SEC22C: variants seen among roughly 807,000 people sequenced by gnomAD.
SEC22C encodes vesicle-trafficking protein SEC22c.
In SEC22C, 29 loss-of-function variants were observed where a neutral mutation model predicts 34.7. The ratio of observed to expected loss-of-function variants is 0.84; its 90% CI spans 0.62 to 1.14. The LOEUF (loss-of-function observed/expected upper bound fraction) is 1.14, where lower values mean the gene tolerates loss of function less well. Among genes scored for constraint, SEC22C ranks in the 50% most tolerant of loss-of-function variants. The pLI, the probability that SEC22C is intolerant of heterozygous loss-of-function variation, is 0.00. For synonymous variants in SEC22C, 117 were observed against 132.8 expected, an observed-to-expected ratio of 0.88 and a Z score of 0.82; for missense variants, 337 against 369.0, an observed-to-expected ratio of 0.91 and a Z score of 0.71.
Position 42,551,327 on chromosome 3 carries a change from C to A in SEC22C, c.*1921G>T. 1.0e-6 allele frequency: 1 copy of A among 985,224 alleles called. No homozygotes were observed. The highest frequency in any genetic ancestry group is 1.2e-6 in the Non-Finnish European group (1 of 829,872). The allele number at this position is 985,224 out of a possible 1,614,324, so 61.0% of individuals were successfully genotyped here. A position where few individuals can be genotyped will look rare whatever the true frequency, so the allele number is the denominator to read the frequency against. On this transcript the variant is annotated 3_prime_UTR_variant, in exon 7 of 7. Coordinates refer to ENST00000264454, the MANE Select transcript of SEC22C (RefSeq NM_032970.4). ...ACTTTGGAGTTTATGTCTGAGTATG[C>A]TGCCAATATAATTTTCATATTCAGA...
chr3:42,565,141 C>T (rs1703157194), intron 2 of SEC22C, among the ~76,000 whole-genome samples: 1 of 152,190 alleles, frequency 6.6e-6, no homozygotes, highest in South Asian at 2.1e-4. Context: ...AGGAGCCTCA[C>T]TGTCCGCTCA....
At position 42,552,074 on chromosome 3, in the gene SEC22C, A is replaced by C. The variant is rs1210442738; in HGVS notation, c.*1174T>G. 1.0e-6 allele frequency: 1 copy of C among 985,328 alleles called. No homozygotes were observed. The highest frequency in any genetic ancestry group is 6.1e-5 in the Admixed American group (1 of 16,276). 61.0% of individuals were successfully genotyped at this position (985,328 alleles called of 1,614,324 possible). ...GCTGAAATTTCGGGAAACCTAAGGG[A>C]TCTTATCCAGAACCATATTTTGGAA... On this transcript the variant is annotated 3_prime_UTR_variant, in exon 7 of 7. Coordinates refer to ENST00000264454, the MANE Select transcript of SEC22C (RefSeq NM_032970.4).
chr3:42,552,206 G>T lies in SEC22C; in HGVS notation c.*1042C>A. On this transcript the variant is annotated 3_prime_UTR_variant, in exon 7 of 7. Transcript: ENST00000264454. ...AAAAGTTAACAGATACTTAACTCTT[G>T]TTCATAAAAAATGAGGCCCTCAAGC... is the stretch of plus-strand genomic sequence containing the variant. 1 of 985,114 alleles carries T rather than the reference G, an allele frequency of 1.0e-6. No homozygotes were observed. Among genetic ancestry groups the T allele is most frequent in the Non-Finnish European group, 1.2e-6 (1 of 829,648 alleles). The allele number at this position is 985,114 out of a possible 1,614,324, so 61.0% of individuals were successfully genotyped here.
chr3:42,573,233 T>G (rs1306690434), intron 1 of SEC22C, among the ~76,000 whole-genome samples: 1 of 152,146 alleles, frequency 6.6e-6, no homozygotes, highest in Non-Finnish European at 1.5e-5. Flanking sequence ...GAATTAAAAA[T>G]AAACCGAGGA....
In SEC22C at chr3:42,552,352, A is replaced by C; in HGVS notation, c.*896T>G. 2 of 985,296 alleles carry C rather than the reference A, an allele frequency of 2.0e-6. No homozygotes were observed. The highest frequency in any genetic ancestry group is 2.4e-6 in the Non-Finnish European group (2 of 829,800). 61.0% of individuals were successfully genotyped at this position (985,296 alleles called of 1,614,324 possible). A position where few individuals can be genotyped will look rare whatever the true frequency, so the allele number is the denominator to read the frequency against. On this transcript the variant is annotated 3_prime_UTR_variant, in exon 7 of 7. Transcript: ENST00000264454. ...CAACAGGCACTCAGCTCTACTGAAAAGGCTGATGACAGCAGCCCCTCCCAA... is the reference window on the plus strand; with the variant it reads ...CAACAGGCACTCAGCTCTACTGAAACGGCTGATGACAGCAGCCCCTCCCAA...
rs1210763217 is a variant in SEC22C, at chr3:42,557,687, A to C, written c.536T>G (p.Phe179Cys). The change falls in exon 5 of 7, where the codon TTC becomes TGC. Residue 179 changes from phenylalanine to cysteine, a missense_variant. Coordinates refer to ENST00000264454, the MANE Select transcript of SEC22C (RefSeq NM_032970.4). ...CAGGGCTGTCACTGGTTCCATTCGGAAATTAGGAGCTTCACAATGGAAAAA... is the reference window on the plus strand; with the variant it reads ...CAGGGCTGTCACTGGTTCCATTCGGCAATTAGGAGCTTCACAATGGAAAAA... The part of the protein sequence containing the change: ...TPMHLEPAPN[F>C]RMEPVTALGI... The C allele has an allele frequency of 6.4e-7, 1 of 1,567,734 alleles. No homozygotes were observed. The highest frequency in any genetic ancestry group is 8.8e-7 in the Non-Finnish European group (1 of 1,139,768).
chr3:42,576,769 A>C (rs1185759038), intron 1 of SEC22C, among the ~76,000 whole-genome samples: 1 of 152,018 alleles, frequency 6.6e-6, no homozygotes, highest in African/African-American at 2.4e-5. Context: ...TTGTGGCTAT[A>C]GATAAGATTA....
chr3:42,549,025 C>T lies in SEC22C; in HGVS notation c.*4223G>A. ...GAGGCCTGATGGGCAGTGATTTGTG[C>T]ACTGCGACATAGGACTCAGTGAAGA... On this transcript the variant is annotated 3_prime_UTR_variant, in exon 7 of 7. Transcript: ENST00000264454. The T allele has an allele frequency of 9.9e-7, 1 of 1,009,078 alleles. No homozygotes were observed. The highest frequency in any genetic ancestry group is 1.2e-6 in the Non-Finnish European group (1 of 830,346). 62.5% of individuals were successfully genotyped at this position (1,009,078 alleles called of 1,614,324 possible).
intron 1 of SEC22C, chr3:42,600,374 C>G (rs1297941195): frequency 6.6e-6 from 1 of 152,216 alleles, no homozygotes; most frequent in Admixed American, 6.5e-5. Flanking sequence ...AGAGAAGTCT[C>G]GCGGTATCGG....
chr3:42,596,609 C>T (rs141991936), intron 1 of SEC22C, among the ~76,000 whole-genome samples: 3 of 152,344 alleles, frequency 2.0e-5, no homozygotes, highest in African/African-American at 7.2e-5. Context: ...AGCCCTAGGC[C>T]TGCCTTGTCC....
At chr3:42,566,480 T>A (rs1703248553) in intron 2 of SEC22C, among the ~76,000 whole-genome samples, 1 of 151,836 alleles carries the variant, frequency 6.6e-6, no homozygotes, top group Non-Finnish European at 1.5e-5. Context: ...CTCGAGACCA[T>A]CCTGGCTAAC....
rs1021573919 is a variant in SEC22C, at chr3:42,565,245, C to T, written c.183-1559G>A. On this transcript the variant is annotated intron_variant, in intron 2 of 6. Transcript: ENST00000264454. Reference sequence around the variant, plus strand: ...TTAACTACACATTTAAAGTAATTGTCGATATATATTTACCCTCATTTCTGG... The same window carrying T: ...TTAACTACACATTTAAAGTAATTGTTGATATATATTTACCCTCATTTCTGG... 3.3e-5 allele frequency among the ~76,000 whole-genome samples: 5 copies of T among 152,170 alleles called. 1 individual carries two copies. Among genetic ancestry groups the T allele is most frequent in the African/African-American group, 1.2e-4 (5 of 41,506 alleles).
chr3:42,561,126 A>T lies in SEC22C; in HGVS notation c.517T>A (p.Leu173Met). The T allele has an allele frequency of 6.2e-7, 1 of 1,612,758 alleles. No individual in the cohort carries two copies. The highest frequency in any genetic ancestry group is 1.1e-5 in the South Asian group (1 of 91,058). Residue 173 changes from leucine to methionine, a missense_variant, in exon 4 of 7, where the codon TTG becomes ATG. Physicochemically the swap from Leu to Met is conservative, Grantham distance 15. Coordinates refer to ENST00000264454, the MANE Select transcript of SEC22C (RefSeq NM_032970.4). ...GVMNGHTPMH[L>M]EPAPNFRMEP... is the part of the protein sequence containing the mutation. The stretch of plus-strand genomic sequence containing the variant: ...ACAACAAGCCACTTACCAGGCTCCA[A>T]GTGCATCGGTGTGTGACCATTCATC...
chr3:42,596,524 G>C (rs1354162662), intron 1 of SEC22C, among the ~76,000 whole-genome samples: 1 of 152,158 alleles, frequency 6.6e-6, no homozygotes, highest in Non-Finnish European at 1.5e-5. Context: ...GCCTGAGTTT[G>C]TAAACTCTTT....
At chr3:42,594,293 G>A in intron 1 of SEC22C, 1 of 667,240 alleles carries the variant, frequency 1.5e-6, no homozygotes, top group South Asian at 2.0e-5. Flanking sequence ...TAAACAAGAA[G>A]GTTGATAACA....
Position 42,551,459 on chromosome 3 carries a change from A to C in SEC22C, c.*1789T>G. 1.7e-6 allele frequency: 1 copy of C among 601,956 alleles called. No homozygotes were observed. 37.3% of individuals were successfully genotyped at this position (601,956 alleles called of 1,614,324 possible). On this transcript the variant is annotated 3_prime_UTR_variant, in exon 7 of 7. Transcript: ENST00000264454. The stretch of plus-strand genomic sequence containing the variant: ...TGGACTCAAGGGATCCTCCTGCCTC[A>C]GACTCCCAAAGTGCTGGGATTACAG...
chr3:42,592,344 C>T (rs1463539514), intron 1 of SEC22C, among the ~76,000 whole-genome samples: 3 of 152,028 alleles, frequency 2.0e-5, no homozygotes, highest in South Asian at 2.1e-4. Flanking sequence ...GGACTACAGG[C>T]GTGTGCCACC....
At chr3:42,556,836 A>G (rs1702558966) in intron 5 of SEC22C, among the ~76,000 whole-genome samples, 1 of 151,908 alleles carries the variant, frequency 6.6e-6, no homozygotes, top group South Asian at 2.1e-4. Flanking sequence ...CGACTCTCCC[A>G]CCTCAGCCTC....
chr3:42,590,991 GC>G (rs756301114), intron 1 of SEC22C: 3 of 957,860 alleles, frequency 3.1e-6, no homozygotes, highest in Non-Finnish European at 4.8e-6. Context: ...GGGCGGGCGG[GC>G]GGGCGGAGAG....
Sources: gnomAD v4.1 joint callset for allele counts (sites outside exome capture counted in the v4.1 genomes callset) on GRCh38, gnomAD v4.1.1 for gene constraint, MANE v1.5 for transcripts, NCBI Gene and HGNC (gene_info 2026-07-23, HGNC 2026-07-21) for gene names.